Variants in KIF3B observed in about 807,000 individuals in gnomAD.
KIF3B encodes the protein kinesin family member 3B.
A neutral mutation model predicts 74.3 loss-of-function variants in KIF3B; 38 were observed. The ratio of observed to expected loss-of-function variants is 0.51; its 90% confidence interval spans 0.39 to 0.67. The LOEUF (loss-of-function observed/expected upper bound fraction) is 0.67, where lower values mean the gene tolerates loss of function less well. KIF3B is among the 30% of genes least tolerant of loss of function. The probability of loss-of-function intolerance (pLI) is 0.00; values close to 1 mark genes in which losing one functional copy is unlikely to be tolerated. For synonymous variants in KIF3B, 326 were observed against 342.5 expected (o/e 0.95, Z 0.53); for missense variants, 649 against 932.0 (o/e 0.70, Z 3.95).
At chr20:32,287,159 G>A (rs765406095) in intron 1 of KIF3B, among the ~76,000 whole-genome samples, 2 of 152,000 alleles carry the variant, frequency 1.3e-5, no homozygotes, top group East Asian at 1.9e-4. Context: ...CCATATTTTT[G>A]TACTTATTTA....
At chr20:32,299,013 C>T (rs918606969) in intron 1 of KIF3B, among the ~76,000 whole-genome samples, 5 of 152,094 alleles carry the variant, frequency 3.3e-5, no homozygotes, top group East Asian at 3.9e-4. Flanking sequence ...CCATGAGCAC[C>T]GTATTTTTTT....
At chr20:32,308,967 G>A (rs1280381442) in intron 1 of KIF3B, among the ~76,000 whole-genome samples, 4 of 151,772 alleles carry the variant, frequency 2.6e-5, no homozygotes, top group African/African-American at 7.3e-5. Flanking sequence ...CACCCGCCTC[G>A]GCCTCCCAAA....
chr20:32,280,824 T>C (rs1470080888), intron 1 of KIF3B, among the ~76,000 whole-genome samples: 1 of 152,056 alleles, frequency 6.6e-6, no homozygotes, highest in African/African-American at 2.4e-5. Flanking sequence ...AATCCCCTTA[T>C]GCTAGGCACA....
chr20:32,281,299 G>A (rs1475557652), intron 1 of KIF3B, among the ~76,000 whole-genome samples: 2 of 152,168 alleles, frequency 1.3e-5, no homozygotes, highest in Admixed American at 6.5e-5. Context: ...CCCATTTCAC[G>A]TTGAAATCCA....
At chr20:32,285,959 G>A (rs917331440) in intron 1 of KIF3B, among the ~76,000 whole-genome samples, 29 of 152,254 alleles carry the variant, frequency 1.9e-4, no homozygotes, top group African/African-American at 6.0e-4. Flanking sequence ...CACTGATTGC[G>A]GACATTGAGC....
chr20:32,322,828 GTATATTTTTA>G (rs2047874933), intron 5 of KIF3B, among the ~76,000 whole-genome samples: 1 of 34,856 alleles, frequency 2.9e-5, no homozygotes, highest in African/African-American at 2.0e-4. Flanking sequence ...ATATTTATAT[GTATATTTTTA>G]TATATTTATA....
At chr20:32,329,262 C>T (rs1159104158) in intron 7 of KIF3B, among the ~76,000 whole-genome samples, 6 of 151,888 alleles carry the variant, frequency 4.0e-5, no homozygotes, top group Non-Finnish European at 5.9e-5. Flanking sequence ...AGGCTGCTCT[C>T]GAACTCCTGA....
At position 32,314,118 on chromosome 20, in the gene KIF3B, G is replaced by A. The variant is rs185941228; in HGVS notation, c.1405-2100G>A. ...TCTAAACAACCCCTCAGAGAAAGTT[G>A]AACTCTCAGAGGCTGAGTCTGCAAG... On this transcript the variant is annotated intron_variant, in intron 2 of 8. Coordinates refer to ENST00000375712, the MANE Select transcript of KIF3B (RefSeq NM_004798.4). Among the ~76,000 whole-genome samples the A allele has an allele frequency of 4.6e-5, 7 of 152,254 alleles. No homozygotes were observed. The East Asian group carries it at 1.4e-3, about 29-fold the overall frequency.
intron 1 of KIF3B, among the ~76,000 whole-genome samples, chr20:32,305,166 A>C (rs2047763547): frequency 6.6e-6 from 1 of 151,674 alleles, no homozygotes; most frequent in Non-Finnish European, 1.5e-5. Flanking sequence ...AACAAACAAA[A>C]AAAACCCAAA....
intron 1 of KIF3B, among the ~76,000 whole-genome samples, chr20:32,288,288 A>T (rs1200048292): frequency 6.6e-6 from 1 of 152,062 alleles, no homozygotes; most frequent in Admixed American, 6.6e-5. Context: ...CAGAAGTTTG[A>T]GACCAGCCTG....
At chr20:32,322,776 A>G (rs868036433) in intron 5 of KIF3B, among the ~76,000 whole-genome samples, 1 of 32,194 alleles carries the variant, frequency 3.1e-5, no homozygotes, top group African/African-American at 2.2e-4. Context: ...ATTTATATAT[A>G]TATTTATATA....
rs564576988 is a variant in KIF3B, at chr20:32,306,744, G to A, written c.-65-2969G>A. On this transcript the variant is annotated intron_variant, in intron 1 of 8. Transcript: ENST00000375712. Reference sequence around the variant, plus strand: ...CAAGTAGCTGGGACTACAAGCTTGCGCCACCATGCCCAGCTAATTTTTGTA... The same window carrying A: ...CAAGTAGCTGGGACTACAAGCTTGCACCACCATGCCCAGCTAATTTTTGTA... Among the ~76,000 whole-genome samples the A allele has an allele frequency of 1.5e-4, 23 of 151,986 alleles. No individual in the cohort carries two copies. In the South Asian group the frequency reaches 4.8e-3, roughly 32 times the overall value.
Position 32,298,900 on chromosome 20 carries a change from A to C in KIF3B, c.-65-10813A>C, listed in dbSNP as rs141383867. On this transcript the variant is annotated intron_variant, in intron 1 of 8. Coordinates refer to ENST00000375712, the MANE Select transcript of KIF3B (RefSeq NM_004798.4). ...CTCAAACTTCTGAACTCAAGTGATC[A>C]TCCTCCTACCTCAGCCTACCAAAGT... Among the ~76,000 whole-genome samples, 382 of 152,236 alleles carry C rather than the reference A, an allele frequency of 2.5e-3. 1 individual carries two copies. The highest frequency in any genetic ancestry group is 8.8e-3 in the African/African-American group (365 of 41,548).
chr20:32,324,609 A>G (rs1314543084), intron 5 of KIF3B, among the ~76,000 whole-genome samples: 3 of 152,222 alleles, frequency 2.0e-5, no homozygotes, highest in South Asian at 2.1e-4. Context: ...TTCAGCCAAC[A>G]GATGATCTTT....
intron 5 of KIF3B, among the ~76,000 whole-genome samples, chr20:32,324,028 G>A (rs552643354): frequency 1.1e-3 from 168 of 151,830 alleles, no homozygotes; most frequent in Non-Finnish European, 1.9e-3. Flanking sequence ...AGGATTGCTT[G>A]AGCCCAGGAG....
At position 32,325,639 on chromosome 20, in the gene KIF3B, A is replaced by ATCTC. The variant is rs770551783; in HGVS notation, c.1749-1118_1749-1115dup. Among the ~76,000 whole-genome samples the ATCTC allele has an allele frequency of 1.1e-3, 112 of 105,138 alleles. 2 individuals are homozygous for ATCTC. Among genetic ancestry groups the ATCTC allele is most frequent in the Non-Finnish European group, 1.7e-3 (91 of 53,270 alleles). 69.0% of individuals were successfully genotyped at this position (105,138 alleles called of 152,430 possible). ...TTCTAAGGAGTCTATTTTCATTATT[A>ATCTC]TCTCTCTCTCTCTCTCTTTTTTTTT... On this transcript the variant is annotated intron_variant, in intron 5 of 8. Coordinates refer to ENST00000375712, the MANE Select transcript of KIF3B (RefSeq NM_004798.4).
At position 32,327,577 on chromosome 20, in the gene KIF3B, G is replaced by T; in HGVS notation, c.1884G>T (p.Arg628=). The change falls in exon 7 of 9, where the codon CGG becomes CGT. Residue 628 remains arginine (R), a synonymous_variant. Coordinates refer to ENST00000375712, the MANE Select transcript of KIF3B (RefSeq NM_004798.4). ...TRLENQQMMK[R]PVSAVGYKRP... Reference sequence around the variant, plus strand: ...CCAGGAACCAGCAGATGATGAAGCGGCCAGTCTCAGCCGTGGGATATAAGA... The same window carrying T: ...CCAGGAACCAGCAGATGATGAAGCGTCCAGTCTCAGCCGTGGGATATAAGA... The T allele has an allele frequency of 1.2e-6, 2 of 1,613,322 alleles. No homozygotes were observed. Among genetic ancestry groups the T allele is most frequent in the South Asian group, 1.1e-5 (1 of 91,070 alleles).
chr20:32,277,765 G>C lies in KIF3B; in HGVS notation c.-66G>C, dbSNP rs1200826373. 4.1e-6 allele frequency: 1 copy of C among 244,578 alleles called. No individual in the cohort carries two copies. Among genetic ancestry groups the C allele is most frequent in the East Asian group, 9.5e-5 (1 of 10,508 alleles). The allele number at this position is 244,578 out of a possible 1,614,324, so 15.2% of individuals were successfully genotyped here. ...CCGCCCGCTTTCGGCTCGGGCCTCAGGTGAGTCGGAGGGGCCGGGCGCCCA... is the reference window on the plus strand; with the variant it reads ...CCGCCCGCTTTCGGCTCGGGCCTCACGTGAGTCGGAGGGGCCGGGCGCCCA... On this transcript the variant is annotated splice_region_variant and 5_prime_UTR_variant, in exon 1 of 9. Coordinates refer to ENST00000375712, the MANE Select transcript of KIF3B (RefSeq NM_004798.4).
intron 8 of KIF3B, 63 bp from the exon 9 acceptor site, chr20:32,331,160 C>T: frequency 8.7e-7 from 1 of 1,154,032 alleles, no homozygotes; most frequent in Non-Finnish European, 1.3e-6. Flanking sequence ...ATGTTAATGA[C>T]ATCTGATGTG....
Sources: gnomAD v4.1 joint callset for allele counts (sites outside exome capture counted in the v4.1 genomes callset) on GRCh38, gnomAD v4.1.1 for gene constraint, MANE v1.5 for transcripts, NCBI Gene and HGNC (gene_info 2026-07-23, HGNC 2026-07-21) for gene names.